RAB11FIP4: variants seen among roughly 807,000 people sequenced by gnomAD.
RAB11FIP4 encodes RAB11 family interacting protein 4, also known as rab11 family-interacting protein 4.
Under a neutral mutation model 74.3 loss-of-function variants are expected in RAB11FIP4, and 23 were observed. The ratio of observed to expected loss-of-function variants is 0.31; its 90% CI spans 0.22 to 0.44. RAB11FIP4 has a LOEUF of 0.44. Among genes scored for constraint, RAB11FIP4 ranks in the 20% least tolerant of loss-of-function variants. RAB11FIP4 has a pLI of 1.00. For synonymous variants in RAB11FIP4, 360 were observed against 359.9 expected, an observed-to-expected ratio of 1.00 and a Z score of 0.00; for missense variants, 630 against 863.9, an observed-to-expected ratio of 0.73 and a Z score of 3.39.
Position 31,391,978 on chromosome 17 carries a change from G to A in RAB11FIP4, c.126G>A (p.Ala42=). 3 of 1,362,636 alleles carry A rather than the reference G, an allele frequency of 2.2e-6. No individual in the cohort carries two copies. Among genetic ancestry groups the A allele is most frequent in the Non-Finnish European group, 2.8e-6 (3 of 1,055,954 alleles). 84.4% of individuals were successfully genotyped at this position (1,362,636 alleles called of 1,614,324 possible). A position where few individuals can be genotyped will look rare whatever the true frequency, so the allele number is the denominator to read the frequency against. Residue 42 remains alanine, a synonymous_variant, in exon 1 of 15, where the codon GCG becomes GCA. Coordinates refer to ENST00000621161, the MANE Select transcript of RAB11FIP4 (RefSeq NM_032932.6). ...GCTTCCTGCGCGTGGAGCGCGTCGC[G>A]GCGCTCGGACTGCGCTTCGGCCAGG... is the stretch of plus-strand genomic sequence containing the variant. The part of the protein sequence containing the change: ...PDGFLRVERV[A]ALGLRFGQGE...
chr17:31,487,946 C>T (rs1377383855), intron 3 of RAB11FIP4: 1 of 702,832 alleles, frequency 1.4e-6, no homozygotes, highest in Non-Finnish European at 1.8e-6. Flanking sequence ...TCCGGGGCCG[C>T]GTCCCTGTCC....
intron 3 of RAB11FIP4, among the ~76,000 whole-genome samples, chr17:31,462,414 C>T (rs946396561): frequency 6.6e-6 from 1 of 152,088 alleles, no homozygotes; most frequent in Non-Finnish European, 1.5e-5. Context: ...GATGAGTGAA[C>T]ATTAGAAAGG....
At chr17:31,504,514 C>T (rs1372440015) in intron 3 of RAB11FIP4, among the ~76,000 whole-genome samples, 5 of 151,998 alleles carry the variant, frequency 3.3e-5, no homozygotes, top group Admixed American at 2.0e-4. Context: ...GATAAGCGCT[C>T]GCCTCGGTCT....
intron 5 of RAB11FIP4, 28 bp downstream of exon 5, chr17:31,521,388 G>A: frequency 6.4e-7 from 1 of 1,563,406 alleles, no homozygotes; most frequent in East Asian, 2.3e-5. Flanking sequence ...GATGTCATTT[G>A]GGGTCAAAAG....
rs1567681126 is a variant in RAB11FIP4 at position 31,505,501 on chromosome 17, A to ATATATAATAATTATATATAATATATAAT, written c.337-12147_337-12146insATAATAATTATATATAATATATAATTAT. On this transcript the variant is annotated intron_variant, in intron 3 of 14. Coordinates refer to ENST00000621161, the MANE Select transcript of RAB11FIP4 (RefSeq NM_032932.6). ...TTATAATATATAATATATAATTATT[A>ATATATAATAATTATATATAATATATAAT]TATTATATATAATAATTATATATTA... 5.8e-5 allele frequency among the ~76,000 whole-genome samples: 5 copies of ATATATAATAATTATATATAATATATAAT among 86,728 alleles called. 1 individual carries two copies. Among genetic ancestry groups the ATATATAATAATTATATATAATATATAAT allele is most frequent in the African/African-American group, 2.5e-4 (5 of 20,264 alleles). 56.9% of individuals were successfully genotyped at this position (86,728 alleles called of 152,430 possible).
At chr17:31,418,462 G>GCTTTT (rs1837939263) in intron 1 of RAB11FIP4, among the ~76,000 whole-genome samples, 1 of 55,442 alleles carries the variant, frequency 1.8e-5, no homozygotes, top group African/African-American at 6.9e-5. Flanking sequence ...CAGTTCCCTT[G>GCTTTT]ATTTTTTTTT....
chr17:31,488,011 G>T (rs2071930380), intron 3 of RAB11FIP4: 1 of 1,009,066 alleles, frequency 9.9e-7, no homozygotes, highest in Non-Finnish European at 1.2e-6. Flanking sequence ...GAGTCCCGGG[G>T]CCCAGGCGCC....
intron 3 of RAB11FIP4, among the ~76,000 whole-genome samples, chr17:31,516,222 G>C (rs1440955229): frequency 6.6e-6 from 1 of 151,426 alleles, no homozygotes; most frequent in Non-Finnish European, 1.5e-5. Flanking sequence ...ATCCCAAGTT[G>C]TGCAGCTTTC....
intron 3 of RAB11FIP4, among the ~76,000 whole-genome samples, chr17:31,482,490 C>T (rs976817774): frequency 1.3e-5 from 2 of 151,220 alleles, no homozygotes; most frequent in Admixed American, 6.6e-5. Context: ...ACTCAGGAGG[C>T]GGAGGCACAA....
chr17:31,464,787 G>T (rs868834812), intron 3 of RAB11FIP4, among the ~76,000 whole-genome samples: 4 of 93,656 alleles, frequency 4.3e-5, no homozygotes, highest in East Asian at 3.5e-4. Context: ...TTGAGACAAG[G>T]TCTTTCTCTG....
chr17:31,448,213 A>C (rs1293596093), intron 3 of RAB11FIP4, among the ~76,000 whole-genome samples: 1 of 151,978 alleles, frequency 6.6e-6, no homozygotes, highest in Non-Finnish European at 1.5e-5. Flanking sequence ...GCTTTATGTA[A>C]GGTATTACTG....
At chr17:31,489,586 T>G (rs964141864) in intron 3 of RAB11FIP4, among the ~76,000 whole-genome samples, 4 of 152,178 alleles carry the variant, frequency 2.6e-5, no homozygotes, top group African/African-American at 9.7e-5. Context: ...CCAGGGAACA[T>G]TACACACGGG....
intron 1 of RAB11FIP4, among the ~76,000 whole-genome samples, chr17:31,425,278 A>G (rs1040775380): frequency 4.6e-5 from 7 of 152,234 alleles, no homozygotes; most frequent in African/African-American, 1.7e-4. Context: ...CTCGCTAAGC[A>G]TTTGCTTTGA....
At chr17:31,485,961 C>T (rs989963817) in intron 3 of RAB11FIP4, among the ~76,000 whole-genome samples, 4 of 152,030 alleles carry the variant, frequency 2.6e-5, no homozygotes, top group African/African-American at 7.2e-5. Flanking sequence ...GTCAGCCAGG[C>T]GCAGTGGCTC....
In RAB11FIP4 at chr17:31,391,981, G is replaced by A; in HGVS notation, c.129G>A (p.Ala43=). 1 of 1,356,674 alleles carries A rather than the reference G, an allele frequency of 7.4e-7. No individual in the cohort carries two copies. The highest frequency in any genetic ancestry group is 9.5e-7 in the Non-Finnish European group (1 of 1,053,126). The allele number at this position is 1,356,674 out of a possible 1,614,324, so 84.0% of individuals were successfully genotyped here. A position where few individuals can be genotyped will look rare whatever the true frequency, so the allele number is the denominator to read the frequency against. Residue 43 remains alanine, a synonymous_variant, in exon 1 of 15, where the codon GCG becomes GCA. Transcript: ENST00000621161. The stretch of plus-strand genomic sequence containing the variant: ...TCCTGCGCGTGGAGCGCGTCGCGGC[G>A]CTCGGACTGCGCTTCGGCCAGGGCG... ...DGFLRVERVA[A]LGLRFGQGEE...
At chr17:31,405,392 C>T (rs1011292752) in intron 1 of RAB11FIP4, among the ~76,000 whole-genome samples, 21 of 151,344 alleles carry the variant, frequency 1.4e-4, no homozygotes, top group East Asian at 3.9e-4. Context: ...TTTTTTGAGA[C>T]GGAGTCTCGC....
In RAB11FIP4 at chr17:31,534,336, T is replaced by C. The variant is rs928837646; in HGVS notation, c.*2604T>C. The stretch of plus-strand genomic sequence containing the variant: ...AGGCTGGAGTGTAGTGGTATGATCA[T>C]AGCTCACCACAACCTTGAACTCCCA... On this transcript the variant is annotated 3_prime_UTR_variant, in exon 15 of 15. Coordinates refer to ENST00000621161, the MANE Select transcript of RAB11FIP4 (RefSeq NM_032932.6). 3.9e-5 allele frequency: 6 copies of C among 152,226 alleles called. No individual in the cohort carries two copies. Among genetic ancestry groups the C allele is most frequent in the African/African-American group, 1.2e-4 (5 of 41,452 alleles). 9.4% of individuals were successfully genotyped at this position (152,226 alleles called of 1,614,324 possible).
At chr17:31,465,976 T>TC (rs1677629091) in intron 3 of RAB11FIP4, 1 of 23,018 alleles carries the variant, frequency 4.3e-5, no homozygotes, top group African/African-American at 1.9e-4. Flanking sequence ...CTGCTAAAAA[T>TC]TAAAAAAAAA....
At position 31,530,463 on chromosome 17, in the gene RAB11FIP4, C is replaced by T. The variant is rs201885844; in HGVS notation, c.1791C>T (p.Arg597=). Reference sequence around the variant, plus strand: ...CTGCGGAGATAGACACCGCCTCGCGCGATGAGGTAACCACACCACCGGCTC... The same window carrying T: ...CTGCGGAGATAGACACCGCCTCGCGTGATGAGGTAACCACACCACCGGCTC... ...SLAAEIDTAS[R]DELMEALKEQ... is the part of the protein sequence containing the mutation. The change falls in exon 14 of 15, where the codon CGC becomes CGT. Residue 597 remains arginine (R), a synonymous_variant. Transcript: ENST00000621161. The T allele has an allele frequency of 1.1e-5, 18 of 1,613,310 alleles. No homozygotes were observed. Among genetic ancestry groups the T allele is most frequent in the African/African-American group, 8.0e-5 (6 of 75,020 alleles).
Sources: allele counts gnomAD v4.1 joint callset (sites outside exome capture counted in the v4.1 genomes callset), GRCh38; gene constraint gnomAD v4.1.1; transcripts MANE v1.5; gene names NCBI Gene and HGNC (gene_info 2026-07-23, HGNC 2026-07-21).